The following ZMYM6 variants were observed in gnomAD, a reference collection of about 807,000 sequenced individuals.
ZMYM6 encodes zinc finger MYM-type containing 6, also known as zinc finger MYM-type protein 6.
In ZMYM6, 90 loss-of-function variants were observed where a neutral mutation model predicts 134.0. That is an observed-to-expected ratio of 0.67 (90% CI 0.57 to 0.80). ZMYM6 has a LOEUF of 0.80. Among genes scored for constraint, ZMYM6 ranks in the 30% least tolerant of loss-of-function variants. The pLI is 0.00. For synonymous variants in ZMYM6, 481 were observed against 524.1 expected, an observed-to-expected ratio of 0.92 and a Z score of 1.12; for missense variants, 1,362 against 1,533.9, an observed-to-expected ratio of 0.89 and a Z score of 1.87.
Position 34,987,886 on chromosome 1 carries a change from G to A in ZMYM6, c.3196C>T (p.Leu1066Phe). Residue 1066 changes from leucine (L) to phenylalanine (F), a missense_variant, in exon 16 of 16, where the codon CTT becomes TTT. Leu to Phe is a conservative substitution (Grantham distance 22). Transcript: ENST00000357182. ...GATATCCAACGTACTTCAGCATGAA[G>A]CGGTAAACTCACATGCTCAGATCCC... ...EMGSEHVSLP[L>F]HAEVRWISRG... 4.5e-6 allele frequency: 7 copies of A among 1,551,582 alleles called. No individual in the cohort carries two copies. Among genetic ancestry groups the A allele is most frequent in the Non-Finnish European group, 6.1e-6 (7 of 1,146,964 alleles).
intron 11 of ZMYM6, among the ~76,000 whole-genome samples, chr1:35,008,082 T>A (rs1004157922): frequency 2.6e-5 from 4 of 152,178 alleles, no homozygotes; most frequent in Non-Finnish European, 1.5e-5. Flanking sequence ...AATAAAATTC[T>A]ATTTTTTTAG....
rs1255011260 is a variant in ZMYM6, at chr1:35,019,294, TAAACA to T, written c.428+54_428+58del. The T allele has an allele frequency of 5.0e-6, 8 of 1,607,462 alleles. No individual in the cohort carries two copies. The Admixed American group carries it at 1.3e-4, about 27-fold the overall frequency. On this transcript the variant is annotated intron_variant, in intron 4 of 15. Transcript: ENST00000357182. ...TAAAGTATCAACAGTATGTTTGAAC[TAAACA>T]ATATACACACTAAAAAAAAGGTAAA...
At chr1:35,000,571 G>A (rs1014787677) in intron 14 of ZMYM6, among the ~76,000 whole-genome samples, 3 of 152,034 alleles carry the variant, frequency 2.0e-5, no homozygotes, top group Non-Finnish European at 2.9e-5. Flanking sequence ...ACCTGGAAAC[G>A]ATCTAATGTT....
chr1:34,992,205 T>C lies in ZMYM6; in HGVS notation c.2146+29A>G, dbSNP rs189412275. ...AACAAACAAGCCAGAAAACAAGCTTTGTACATGGGAACGCACAAGGATACA... is the reference window on the plus strand; with the variant it reads ...AACAAACAAGCCAGAAAACAAGCTTCGTACATGGGAACGCACAAGGATACA... On this transcript the variant is annotated intron_variant, in intron 15 of 15. Transcript: ENST00000357182. The C allele has an allele frequency of 2.5e-5, 40 of 1,613,650 alleles. No individual in the cohort carries two copies. The African/African-American group carries it at 5.2e-4, about 21-fold the overall frequency.
In ZMYM6 at chr1:34,988,841, T is replaced by C. The variant is rs765208890; in HGVS notation, c.2241A>G (p.Glu747=). Residue 747 remains glutamate, a synonymous_variant, in exon 16 of 16, where the codon GAA becomes GAG. Coordinates refer to ENST00000357182, the MANE Select transcript of ZMYM6 (RefSeq NM_007167.4). ...AGATAATAAAACCAACTTTTAAATA[T>C]TCTGTATCATAAGTCTGGAAAAAAC... The part of the protein sequence containing the change: ...RLGFFQTYDT[E]YLKVGFIICP... 3 of 1,587,388 alleles carry C rather than the reference T, an allele frequency of 1.9e-6. No individual in the cohort carries two copies. The highest frequency in any genetic ancestry group is 2.6e-6 in the Non-Finnish European group (3 of 1,164,330).
At chr1:35,006,848 T>G in intron 12 of ZMYM6, 103 bp downstream of exon 12, 3 of 1,117,506 alleles carry the variant, frequency 2.7e-6, no homozygotes, top group Non-Finnish European at 3.5e-6. Flanking sequence ...TCAGGCTATT[T>G]GAATCCAATG....
rs1641152299 is a variant in ZMYM6, at chr1:35,014,850, A to G, written c.642T>C (p.Gly214=). The G allele has an allele frequency of 6.2e-7, 1 of 1,614,112 alleles. No homozygotes were observed. ...FEVKYQNVVH[G]LCSDACFSKF... is the part of the protein sequence containing the mutation. ...TTGAAAAACAGGCATCACTACAAAG[A>G]CCATGTACCACATTTTGATATTTAA... Residue 214 remains glycine, a synonymous_variant, in exon 6 of 16, where the codon GGT becomes GGC. Transcript: ENST00000357182.
intron 2 of ZMYM6, among the ~76,000 whole-genome samples, chr1:35,028,689 C>A (rs951621500): frequency 4.6e-5 from 7 of 151,396 alleles, no homozygotes; most frequent in African/African-American, 1.7e-4. Flanking sequence ...TTTGTAGAGA[C>A]GGGGTTTCAC....
chr1:35,009,451 A>C (rs913312397), intron 10 of ZMYM6, among the ~76,000 whole-genome samples: 3 of 151,270 alleles, frequency 2.0e-5, no homozygotes, highest in African/African-American at 4.9e-5. Flanking sequence ...TATATTCAGA[A>C]ACATTAGAGG....
Position 35,012,152 on chromosome 1 carries a change from A to G in ZMYM6, c.947-147T>C, listed in dbSNP as rs1177958973. ...TATAAAAATCTGAAATCTAACCACA[A>G]CTAACCTCTATTAAGTCCCACTTAC... On this transcript the variant is annotated intron_variant, in intron 7 of 15. Coordinates refer to ENST00000357182, the MANE Select transcript of ZMYM6 (RefSeq NM_007167.4). The G allele has an allele frequency of 1.1e-5, 7 of 624,088 alleles. No individual in the cohort carries two copies. In the Admixed American group the frequency reaches 2.4e-4, roughly 21 times the overall value. 38.7% of individuals were successfully genotyped at this position (624,088 alleles called of 1,614,324 possible).
intron 14 of ZMYM6, among the ~76,000 whole-genome samples, chr1:34,993,534 G>A (rs1421519240): frequency 6.6e-6 from 1 of 152,092 alleles, no homozygotes; most frequent in East Asian, 1.9e-4. Flanking sequence ...CCTATTTTAA[G>A]GTTAGCTGAT....
chr1:35,028,257 A>G (rs1399218210), intron 2 of ZMYM6, among the ~76,000 whole-genome samples: 5 of 150,978 alleles, frequency 3.3e-5, no homozygotes, highest in African/African-American at 1.2e-4. Flanking sequence ...CGGAGGTTGC[A>G]GTGAGCCAAG....
chr1:34,987,586 ACATGT>A lies in ZMYM6; in HGVS notation c.3491_3495del (p.Asp1164ValfsTer6). The A allele has an allele frequency of 6.2e-7, 1 of 1,613,634 alleles. No individual in the cohort carries two copies. The highest frequency in any genetic ancestry group is 8.5e-7 in the Non-Finnish European group (1 of 1,179,726). Reference sequence around the variant, plus strand: ...TTTGAGAATTCAGAAAATGAAGGGAACATGTCATAATCATTCTCTTGTGTGCGCTT... The same window carrying A: ...TTTGAGAATTCAGAAAATGAAGGGAACATAATCATTCTCTTGTGTGCGCTT... On this transcript the variant is annotated frameshift_variant, in exon 16 of 16. Coordinates refer to ENST00000357182, the MANE Select transcript of ZMYM6 (RefSeq NM_007167.4). LOFTEE classifies it high-confidence loss of function.
Position 34,987,372 on chromosome 1 carries a change from T to C in ZMYM6, c.3710A>G (p.Glu1237Gly). 1.2e-6 allele frequency: 2 copies of C among 1,614,076 alleles called. No homozygotes were observed. The highest frequency in any genetic ancestry group is 1.7e-6 in the Non-Finnish European group (2 of 1,180,002). Residue 1237 changes from glutamate to glycine, a missense_variant, in exon 16 of 16, where the codon GAG becomes GGG. Transcript: ENST00000357182. ...TTGTAATCCTAAATCTGAAGATAGC[T>C]CTGTTAGCTTTTCTTCTTCGAAGTC... ...LTDFEEEKLT[E>G]LSSDLGLQAL... is the part of the protein sequence containing the mutation.
intron 1 of ZMYM6, 162 bp from the exon 2 acceptor site, chr1:35,030,875 G>C: frequency 2.0e-6 from 1 of 501,484 alleles, no homozygotes; most frequent in Non-Finnish European, 3.4e-6. Flanking sequence ...TGTTCCTTCA[G>C]TAGCTACATA....
intron 14 of ZMYM6, among the ~76,000 whole-genome samples, chr1:34,996,883 T>C (rs904452495): frequency 2.6e-5 from 4 of 152,214 alleles, no homozygotes; most frequent in African/African-American, 9.6e-5. Context: ...ATTCACACAA[T>C]AACTCAGAGT....
At position 34,987,994 on chromosome 1, in the gene ZMYM6, G is replaced by A; in HGVS notation, c.3088C>T (p.Leu1030Phe). 1 of 1,551,224 alleles carries A rather than the reference G, an allele frequency of 6.4e-7. No homozygotes were observed. The highest frequency in any genetic ancestry group is 1.2e-5 in the South Asian group (1 of 83,906). Reference protein sequence around the residue: ...EKLSPCLHKILLQSAQILSFI... With the variant: ...EKLSPCLHKIFLQSAQILSFI... ...CTTAAAATTTGTGCTGACTGCAAAA[G>A]AATTTTATGTAAACATGGAGACAAC... Residue 1030 changes from leucine (L) to phenylalanine (F), a missense_variant, in exon 16 of 16, where the codon CTT (leucine) becomes TTT (phenylalanine). Physicochemically the swap from Leu to Phe is conservative, Grantham distance 22 (BLOSUM62 0). Transcript: ENST00000357182.
In ZMYM6 at chr1:35,005,140, A is replaced by G; in HGVS notation, c.1946T>C (p.Val649Ala). 6.2e-7 allele frequency: 1 copy of G among 1,614,026 alleles called. No individual in the cohort carries two copies. The highest frequency in any genetic ancestry group is 8.5e-7 in the Non-Finnish European group (1 of 1,179,942). The change falls in exon 13 of 16, where the codon GTT (valine) becomes GCT (alanine). Residue 649 changes from valine (V) to alanine (A), a missense_variant. Physicochemically the swap from Val to Ala is moderately conservative, Grantham distance 64. This residue lies in a region of ZMYM6 where 824 missense variants were observed against 940.9 expected (regional missense o/e 0.88). Coordinates refer to ENST00000357182, the MANE Select transcript of ZMYM6 (RefSeq NM_007167.4). ...ATLSTGNTNS[V>A]LKGAVTKEAA... ...ATTATATCAAGTCATACCTTTTAAA[A>G]CACTGTTAGTGTTCCCTGTAGATAA...
At chr1:35,025,710 A>C (rs1194070640) in intron 2 of ZMYM6, among the ~76,000 whole-genome samples, 1 of 152,156 alleles carries the variant, frequency 6.6e-6, no homozygotes, top group Non-Finnish European at 1.5e-5. Context: ...GCCTTTCTGA[A>C]AACAAAGTAA....
Sources: allele counts gnomAD v4.1 joint callset (sites outside exome capture counted in the v4.1 genomes callset), GRCh38; gene constraint gnomAD v4.1.1; regional missense constraint gnomAD v4.1.1; transcripts MANE v1.5; gene names NCBI Gene and HGNC (gene_info 2026-07-23, HGNC 2026-07-21).